The following ELMOD1 variants were observed in gnomAD, a reference collection of about 807,000 sequenced individuals.
ELMOD1 encodes ELMO domain-containing protein 1.
A neutral mutation model predicts 46.7 loss-of-function variants in ELMOD1; 21 were observed. The ratio of observed to expected loss-of-function variants is 0.45; its 90% CI spans 0.32 to 0.65. ELMOD1 has a LOEUF of 0.65. Among genes scored for constraint, ELMOD1 ranks in the 30% least tolerant of loss-of-function variants. The probability of loss-of-function intolerance (pLI) is 0.04; values close to 1 mark genes in which losing one functional copy is unlikely to be tolerated. For missense variants in ELMOD1, 348 were observed against 407.8 expected, an observed-to-expected ratio of 0.85 and a Z score of 1.26; for synonymous variants, 122 against 138.2, an observed-to-expected ratio of 0.88 and a Z score of 0.82.
chr11:107,623,441 T>C (rs1434420457), intron 2 of ELMOD1: 1 of 152,248 alleles, frequency 6.6e-6, no homozygotes, highest in African/African-American at 2.4e-5. Flanking sequence ...TTTGTTAAGC[T>C]CTTCCCGCAG....
intron 1 of ELMOD1, among the ~76,000 whole-genome samples, chr11:107,604,779 G>A (rs902888208): frequency 5.9e-5 from 9 of 152,020 alleles, no homozygotes; most frequent in African/African-American, 2.2e-4. Context: ...TGTTGCAGAC[G>A]CCCAGTCTAA....
chr11:107,607,292 T>G (rs1865701630), intron 1 of ELMOD1, among the ~76,000 whole-genome samples: 1 of 152,240 alleles, frequency 6.6e-6, no homozygotes, highest in Admixed American at 6.5e-5. Flanking sequence ...AATTTACTAG[T>G]AGTTTTTAAT....
chr11:107,614,983 G>T (rs1184555396), intron 1 of ELMOD1, among the ~76,000 whole-genome samples: 1 of 151,954 alleles, frequency 6.6e-6, no homozygotes, highest in Non-Finnish European at 1.5e-5. Flanking sequence ...TTGTAATACT[G>T]TATTTAAGTC....
intron 6 of ELMOD1, among the ~76,000 whole-genome samples, chr11:107,644,294 TC>T: frequency 6.7e-6 from 1 of 148,402 alleles, no homozygotes. Flanking sequence ...AGACCCTGTC[TC>T]CAAAGAAAAA....
intron 2 of ELMOD1, among the ~76,000 whole-genome samples, chr11:107,621,762 C>A (rs1029388547): frequency 2.7e-5 from 2 of 73,086 alleles, no homozygotes. Context: ...CATGGTGGCT[C>A]ACACCTGTAA....
chr11:107,655,108 G>A (rs536281464), intron 10 of ELMOD1, among the ~76,000 whole-genome samples: 1 of 152,048 alleles, frequency 6.6e-6, no homozygotes, highest in Non-Finnish European at 1.5e-5. Flanking sequence ...ACTCTAGCAT[G>A]CTCATGTTAA....
intron 11 of ELMOD1, among the ~76,000 whole-genome samples, chr11:107,656,727 G>A (rs1033536886): frequency 6.6e-6 from 1 of 152,054 alleles, no homozygotes; most frequent in Non-Finnish European, 1.5e-5. Context: ...AAGACATCAT[G>A]GGTGTTTCTC....
chr11:107,625,477 C>T, intron 2 of ELMOD1: 1 of 985,328 alleles, frequency 1.0e-6, no homozygotes, highest in Non-Finnish European at 1.2e-6. Flanking sequence ...CTTACTGTTC[C>T]AAAAGAAGAC....
chr11:107,632,287 AT>A (rs1223257390), intron 5 of ELMOD1, among the ~76,000 whole-genome samples: 1 of 152,206 alleles, frequency 6.6e-6, no homozygotes, highest in African/African-American at 2.4e-5. Flanking sequence ...TTTCAGTAAA[AT>A]TTTGCACTGA....
At chr11:107,617,158 TAGAC>T (rs1346715480) in intron 1 of ELMOD1, among the ~76,000 whole-genome samples, 2 of 152,178 alleles carry the variant, frequency 1.3e-5, no homozygotes, top group African/African-American at 4.8e-5. Flanking sequence ...AATTGGTGTA[TAGAC>T]AGTTTTTTCA....
At chr11:107,619,563 G>C (rs1865914140) in intron 2 of ELMOD1, among the ~76,000 whole-genome samples, 1 of 152,142 alleles carries the variant, frequency 6.6e-6, no homozygotes, top group East Asian at 1.9e-4. Context: ...TGGTGGTAAG[G>C]TTGCCAAGTC....
intron 11 of ELMOD1, among the ~76,000 whole-genome samples, chr11:107,657,921 C>T (rs1446301640): frequency 6.6e-6 from 1 of 152,154 alleles, no homozygotes; most frequent in Non-Finnish European, 1.5e-5. Context: ...CATGTTTGAA[C>T]ACATTGAGAA....
intron 6 of ELMOD1, among the ~76,000 whole-genome samples, chr11:107,645,089 A>ATTT (rs11390120): frequency 0.022 from 2,279 of 103,116 alleles, 53 homozygotes; most frequent in Non-Finnish European, 0.024. Context: ...TGCCTGGCTA[A>ATTT]TTTTTTTTTT....
chr11:107,602,668 A>G (rs1015882721), intron 1 of ELMOD1, among the ~76,000 whole-genome samples: 1 of 149,916 alleles, frequency 6.7e-6, no homozygotes, highest in African/African-American at 2.4e-5. Flanking sequence ...ATCTATGAAA[A>G]TTATGATGTT....
rs1022502015 is a variant in ELMOD1, at chr11:107,651,375, T to C, written c.647+467T>C. Reference sequence around the variant, plus strand: ...TTTTGCAATCATAGTTTTATATCACTTTTTTCTCCTCGCATGATGGTAGGT... The same window carrying C: ...TTTTGCAATCATAGTTTTATATCACCTTTTTCTCCTCGCATGATGGTAGGT... On this transcript the variant is annotated intron_variant, in intron 9 of 11. Transcript: ENST00000265840. 3.3e-5 allele frequency among the ~76,000 whole-genome samples: 5 copies of C among 152,202 alleles called. No individual in the cohort carries two copies. In the East Asian group the frequency reaches 9.6e-4, roughly 29 times the overall value.
At chr11:107,601,981 T>A (rs1437325073) in intron 1 of ELMOD1, among the ~76,000 whole-genome samples, 2 of 152,166 alleles carry the variant, frequency 1.3e-5, no homozygotes. Flanking sequence ...GATTCCTGGG[T>A]CCAATGTCTT....
intron 9 of ELMOD1, chr11:107,653,652 C>T (rs1866568508): frequency 6.6e-6 from 1 of 151,526 alleles, no homozygotes. Context: ...TACTTCCCTC[C>T]CTCCTTCCTT....
At chr11:107,649,297 A>C (rs1254121517) in intron 7 of ELMOD1, among the ~76,000 whole-genome samples, 1 of 152,198 alleles carries the variant, frequency 6.6e-6, no homozygotes, top group Non-Finnish European at 1.5e-5. Context: ...ATATCTGAGT[A>C]AGGAGAGATC....
chr11:107,635,409 T>C (rs1465276761), intron 5 of ELMOD1, among the ~76,000 whole-genome samples: 3 of 152,212 alleles, frequency 2.0e-5, no homozygotes, highest in African/African-American at 7.2e-5. Context: ...CATTGCCATT[T>C]AGCTTTAGAA....
Sources: allele counts gnomAD v4.1 joint callset (sites outside exome capture counted in the v4.1 genomes callset), GRCh38; gene constraint gnomAD v4.1.1; transcripts MANE v1.5; gene names NCBI Gene and HGNC (gene_info 2026-07-23, HGNC 2026-07-21).